Variants in NR2E1 observed in about 807,000 individuals in gnomAD.
NR2E1 encodes the protein nuclear receptor TLX.
A neutral mutation model predicts 43.6 loss-of-function variants in NR2E1; 5 were observed. The ratio of observed to expected loss-of-function variants is 0.11; its 90% CI spans 0.06 to 0.24. NR2E1 has a LOEUF of 0.24. Among genes scored for constraint, NR2E1 ranks in the 10% least tolerant of loss-of-function variants. NR2E1 has a pLI of 1.00. For synonymous variants in NR2E1, 191 were observed against 195.5 expected, an observed-to-expected ratio of 0.98 and a Z score of 0.19; for missense variants, 287 against 496.7, an observed-to-expected ratio of 0.58 and a Z score of 4.01.
chr6:108,173,642 A>G (rs1773847757), intron 2 of NR2E1, among the ~76,000 whole-genome samples: 6 of 152,260 alleles, frequency 3.9e-5, no homozygotes, highest in Admixed American at 3.9e-4. Flanking sequence ...TCCAGAGTAT[A>G]TGAATTTTTG....
In NR2E1 at chr6:108,174,959, A is replaced by C. The variant is rs761617272; in HGVS notation, c.259+36A>C. On this transcript the variant is annotated intron_variant, in intron 3 of 8. Transcript: ENST00000368986. ...CATCCCTTTATTCCAATGTTGATTG[A>C]GTAGTAAGTAAATTATATGTACAGA... is the stretch of plus-strand genomic sequence containing the variant. The C allele has an allele frequency of 5.7e-6, 9 of 1,572,202 alleles. No individual in the cohort carries two copies. The East Asian group carries it at 1.6e-4, about 27-fold the overall frequency.
chr6:108,170,853 C>A (rs1457852621), intron 1 of NR2E1, among the ~76,000 whole-genome samples: 1 of 152,160 alleles, frequency 6.6e-6, no homozygotes, highest in Non-Finnish European at 1.5e-5. Flanking sequence ...ACTCACCAAG[C>A]ATTTTTTAAA....
In NR2E1 at chr6:108,180,753, T is replaced by G. The variant is rs1223155881; in HGVS notation, c.740-54T>G. On this transcript the variant is annotated intron_variant, in intron 6 of 8. Transcript: ENST00000368986. This position sits in a 1 kb window ranked among gnomAD's most constrained non-coding sequence, Gnocchi z 5.4. ...GCAGGATTTTGTCAAAAATCAATAT[T>G]AAATCATGAAAATGCCTTCATATTA... is the stretch of plus-strand genomic sequence containing the variant. The G allele has an allele frequency of 6.4e-7, 1 of 1,557,432 alleles. No individual in the cohort carries two copies. The highest frequency in any genetic ancestry group is 8.9e-7 in the Non-Finnish European group (1 of 1,129,174).
chr6:108,183,255 T>C (rs1398909693), intron 8 of NR2E1, among the ~76,000 whole-genome samples: 1 of 151,826 alleles, frequency 6.6e-6, no homozygotes, highest in Non-Finnish European at 1.5e-5. Flanking sequence ...TCCCAGCATT[T>C]TGGGAGGCCA....
intron 3 of NR2E1, chr6:108,176,040 C>T (rs1270981751): frequency 6.2e-6 from 1 of 161,198 alleles, no homozygotes; most frequent in Non-Finnish European, 1.4e-5. Context: ...GGGGGCGGGG[C>T]CTGCGGGTAG....
At chr6:108,170,680 C>G (rs1297155636) in intron 1 of NR2E1, among the ~76,000 whole-genome samples, 1 of 152,026 alleles carries the variant, frequency 6.6e-6, no homozygotes, top group Non-Finnish European at 1.5e-5. Flanking sequence ...TGTGTGGAGG[C>G]CAGTCTTCTA....
At chr6:108,170,546 G>A (rs1021724570) in intron 1 of NR2E1, among the ~76,000 whole-genome samples, 1 of 151,440 alleles carries the variant, frequency 6.6e-6, no homozygotes, top group Admixed American at 6.6e-5. Flanking sequence ...TTCTCTTGAG[G>A]TGGGGTCCAT....
chr6:108,176,066 G>C (rs1773891112), intron 3 of NR2E1: 1 of 166,702 alleles, frequency 6.0e-6, no homozygotes, highest in African/African-American at 2.4e-5. Context: ...CTTGTTCTTG[G>C]ACGGAGCTGG....
At chr6:108,185,396 ACG>A (rs1295925668) in intron 8 of NR2E1, among the ~76,000 whole-genome samples, 14 of 115,008 alleles carry the variant, frequency 1.2e-4, no homozygotes, top group African/African-American at 5.8e-4. Context: ...ACACACACAC[ACG>A]CACACACACA....
At chr6:108,174,070 C>A (rs551163279) in intron 2 of NR2E1, among the ~76,000 whole-genome samples, 2 of 152,170 alleles carry the variant, frequency 1.3e-5, no homozygotes, top group Non-Finnish European at 2.9e-5. Context: ...GTGAGCATTT[C>A]TATATTTTGC....
chr6:108,176,339 A>G, intron 3 of NR2E1, 164 bp from the exon 4 acceptor site: 1 of 644,938 alleles, frequency 1.6e-6, no homozygotes, highest in Non-Finnish European at 2.7e-6. Context: ...AGACGATCTC[A>G]GAATCCCTTC....
rs1413574726 is a variant in NR2E1 at position 108,188,336 on chromosome 6, G to A, written c.*873G>A. 1.3e-5 allele frequency: 2 copies of A among 152,232 alleles called. No homozygotes were observed. The highest frequency in any genetic ancestry group is 2.4e-5 in the African/African-American group (1 of 41,446). 9.4% of individuals were successfully genotyped at this position (152,232 alleles called of 1,614,324 possible). On this transcript the variant is annotated 3_prime_UTR_variant, in exon 9 of 9. Transcript: ENST00000368986. ...CCAAAGGCAGTGGGGGTCCAAACTC[G>A]TGGTGCAGCAAGTCACACCAGACAG...
At position 108,187,332 on chromosome 6, in the gene NR2E1, C is replaced by T; in HGVS notation, c.1027C>T (p.Leu343Phe). 6.2e-7 allele frequency: 1 copy of T among 1,614,048 alleles called. No individual in the cohort carries two copies. The highest frequency in any genetic ancestry group is 8.5e-7 in the Non-Finnish European group (1 of 1,179,966). Residue 343 changes from leucine (L) to phenylalanine (F), a missense_variant, in exon 9 of 9, where the codon CTC becomes TTC. By Grantham distance (22) the Leu-to-Phe change is conservative (BLOSUM62 0). Transcript: ENST00000368986. ...YPTQPCRFGK[L>F]LLLLPALRSI... ...CACTCAACCCTGTCGCTTTGGAAAA[C>T]TCCTGTTGCTTTTGCCAGCTTTACG... is the stretch of plus-strand genomic sequence containing the variant.
intron 5 of NR2E1, among the ~76,000 whole-genome samples, chr6:108,178,497 A>T (rs1773935752): frequency 1.3e-5 from 2 of 152,226 alleles, no homozygotes; most frequent in Admixed American, 1.3e-4. Flanking sequence ...ACATACAAGA[A>T]CATTACCTCT....
At position 108,171,513 on chromosome 6, in the gene NR2E1, CT is replaced by C. The variant is rs1773811840; in HGVS notation, c.82del (p.Tyr28ThrfsTer48). 1 of 1,613,922 alleles carries C rather than the reference CT, an allele frequency of 6.2e-7. No homozygotes were observed. The highest frequency in any genetic ancestry group is 1.3e-5 in the African/African-American group (1 of 74,918). On this transcript the variant is annotated frameshift_variant, in exon 2 of 9. Coordinates refer to ENST00000368986, the MANE Select transcript of NR2E1 (RefSeq NM_003269.5). LOFTEE classifies it high-confidence loss of function. ...GTGGCGACCGCAGCTCGGGGAAGCA[CT>C]ACGGGGTCTACGCCTGCGACGGCTG... is the stretch of plus-strand genomic sequence containing the variant. Reference protein sequence around the residue: ...VCGDRSSGKHYGVYACDGCSG... With the variant: ...VCGDRSSGKHXGVYACDGCSG...
chr6:108,175,517 G>T (rs556989173), intron 3 of NR2E1, among the ~76,000 whole-genome samples: 1 of 152,364 alleles, frequency 6.6e-6, no homozygotes, highest in African/African-American at 2.4e-5. Context: ...GGTAACGCCC[G>T]TGGGTGCCTC....
rs759373934 is a variant in NR2E1 at position 108,187,282 on chromosome 6, A to C, written c.996-19A>C. On this transcript the variant is annotated intron_variant, in intron 8 of 8. Coordinates refer to ENST00000368986, the MANE Select transcript of NR2E1 (RefSeq NM_003269.5). ...AGTAATGGCCTCTGACCTTGTTTTC[A>C]TGGCTTCTCACATTCCAGATATCCC... is the stretch of plus-strand genomic sequence containing the variant. 1.2e-6 allele frequency: 2 copies of C among 1,614,124 alleles called. No individual in the cohort carries two copies. Among genetic ancestry groups the C allele is most frequent in the Non-Finnish European group, 1.7e-6 (2 of 1,180,014 alleles).
At chr6:108,187,085 G>T (rs1774088727) in intron 8 of NR2E1, among the ~76,000 whole-genome samples, 1 of 152,110 alleles carries the variant, frequency 6.6e-6, no homozygotes, top group Admixed American at 6.6e-5. Flanking sequence ...GGGTGTCCGT[G>T]TGATTTTGGC....
At chr6:108,178,315 C>T (rs1452472487) in intron 5 of NR2E1, 74 bp downstream of exon 5, 1 of 1,553,702 alleles carries the variant, frequency 6.4e-7, no homozygotes, top group Non-Finnish European at 8.9e-7. Flanking sequence ...ATAAAACTTC[C>T]TCTATCCCTG....
Sources: gnomAD v4.1 joint callset for allele counts (sites outside exome capture counted in the v4.1 genomes callset) on GRCh38, gnomAD v4.1.1 for gene constraint, Gnocchi (gnomAD v3.1) non-coding constraint, MANE v1.5 for transcripts, NCBI Gene and HGNC (gene_info 2026-07-23, HGNC 2026-07-21) for gene names.